VOPP1: variants seen among roughly 807,000 people sequenced by gnomAD.
VOPP1 encodes the protein WW domain binding protein VOPP1.
A neutral mutation model predicts 23.5 loss-of-function variants in VOPP1; 8 were observed. The ratio of observed to expected loss-of-function variants is 0.34; its 90% CI spans 0.20 to 0.61. VOPP1 has a LOEUF of 0.61. Ranked by LOEUF, VOPP1 falls within the 20% of genes least tolerant of loss-of-function variation. The pLI is 0.78. For missense variants in VOPP1, 174 were observed against 238.1 expected (o/e 0.73, Z 1.77); for synonymous variants, 83 against 97.3 (o/e 0.85, Z 0.86).
At chr7:55,502,986 T>C (rs1419898457) in intron 2 of VOPP1, among the ~76,000 whole-genome samples, 1 of 152,198 alleles carries the variant, frequency 6.6e-6, no homozygotes, top group African/African-American at 2.4e-5. Context: ...GACTCTGAAA[T>C]ACACATGATA....
intron 1 of VOPP1, among the ~76,000 whole-genome samples, chr7:55,524,742 T>C (rs1164674056): frequency 6.6e-6 from 1 of 152,068 alleles, no homozygotes; most frequent in Admixed American, 6.6e-5. Flanking sequence ...GGACGCAGCC[T>C]CGTGATGGGA....
chr7:55,494,106 G>A (rs1486324181), intron 3 of VOPP1, among the ~76,000 whole-genome samples: 1 of 152,178 alleles, frequency 6.6e-6, no homozygotes, highest in Non-Finnish European at 1.5e-5. Flanking sequence ...ATGGGCGGAG[G>A]GAGCGGCCAT....
intron 2 of VOPP1, among the ~76,000 whole-genome samples, chr7:55,520,163 T>A (rs1227645508): frequency 6.6e-6 from 1 of 152,116 alleles, no homozygotes; most frequent in Non-Finnish European, 1.5e-5. Context: ...AAGAAAAATG[T>A]ATGTTCTGGC....
chr7:55,522,200 A>G (rs1472822385), intron 1 of VOPP1, among the ~76,000 whole-genome samples: 1 of 152,226 alleles, frequency 6.6e-6, no homozygotes, highest in Non-Finnish European at 1.5e-5. Flanking sequence ...ATTGCCCTGC[A>G]GCTGGAATGG....
intron 4 of VOPP1, among the ~76,000 whole-genome samples, chr7:55,459,144 T>C (rs553033574): frequency 6.6e-6 from 1 of 152,116 alleles, no homozygotes; most frequent in Non-Finnish European, 1.5e-5. Context: ...AATCATAAAG[T>C]TTTTTCCTTC....
intron 2 of VOPP1, among the ~76,000 whole-genome samples, chr7:55,511,476 T>G (rs1450187498): frequency 3.3e-5 from 5 of 152,188 alleles, no homozygotes. Context: ...TATTAAAAAT[T>G]TGTTTAGGAG....
At position 55,471,357 on chromosome 7, in the gene VOPP1, C is replaced by A. The variant is rs1009708811; in HGVS notation, c.*1498G>T. On this transcript the variant is annotated 3_prime_UTR_variant, in exon 5 of 5. Coordinates refer to ENST00000285279, the MANE Select transcript of VOPP1 (RefSeq NM_030796.5). ...CCACAAAATTCCCCAGGAGGTTCTC[C>A]GATTAAATGTCCTCAGAGTGAAAAG... is the stretch of plus-strand genomic sequence containing the variant. 6.6e-6 allele frequency: 1 copy of A among 151,664 alleles called. No individual in the cohort carries two copies. The highest frequency in any genetic ancestry group is 1.5e-5 in the Non-Finnish European group (1 of 67,930). 9.4% of individuals were successfully genotyped at this position (151,664 alleles called of 1,614,324 possible).
intron 2 of VOPP1, among the ~76,000 whole-genome samples, chr7:55,517,630 T>C (rs1795552547): frequency 6.6e-6 from 1 of 152,116 alleles, no homozygotes; most frequent in Admixed American, 6.5e-5. Flanking sequence ...GAAACCACAG[T>C]GGGCTTCAGA....
chr7:55,516,932 A>ATATTTTTT (rs1562947689), intron 2 of VOPP1, among the ~76,000 whole-genome samples: 1 of 45,156 alleles, frequency 2.2e-5, no homozygotes, highest in African/African-American at 1.2e-4. Context: ...ATATATATAT[A>ATATTTTTT]TTTTTTTTTT....
chr7:55,476,932 C>T (rs1361323179), intron 4 of VOPP1, among the ~76,000 whole-genome samples: 2 of 152,230 alleles, frequency 1.3e-5, no homozygotes, highest in Non-Finnish European at 2.9e-5. Flanking sequence ...GCCCTATTCT[C>T]CATCTCCAGC....
chr7:55,474,042 G>A (rs1792047041), intron 4 of VOPP1, among the ~76,000 whole-genome samples: 1 of 152,244 alleles, frequency 6.6e-6, no homozygotes, highest in South Asian at 2.1e-4. Flanking sequence ...GCGCATGTGC[G>A]GAAGGAGAGC....
At chr7:55,490,563 T>C (rs1793493599) in intron 4 of VOPP1, among the ~76,000 whole-genome samples, 1 of 152,180 alleles carries the variant, frequency 6.6e-6, no homozygotes, top group African/African-American at 2.4e-5. Flanking sequence ...TGTGGCCTTC[T>C]GCACTGGGGG....
At chr7:55,457,863 A>T (rs186418635) in intron 4 of VOPP1, among the ~76,000 whole-genome samples, 1 of 152,062 alleles carries the variant, frequency 6.6e-6, no homozygotes, top group Admixed American at 6.6e-5. Context: ...TTGGATAAAT[A>T]GTTTGCACAT....
chr7:55,525,848 AAGTG>A (rs980979011), intron 1 of VOPP1, among the ~76,000 whole-genome samples: 9 of 151,552 alleles, frequency 5.9e-5, no homozygotes, highest in African/African-American at 2.2e-4. Flanking sequence ...AGGGGGAAAA[AAGTG>A]AATTTCCAGG....
At chr7:55,441,394 C>T (rs1252149508) in intron 4 of VOPP1, among the ~76,000 whole-genome samples, 1 of 152,212 alleles carries the variant, frequency 6.6e-6, no homozygotes, top group Admixed American at 6.5e-5. Context: ...GTATTCCACA[C>T]CCAGAGACAA....
chr7:55,463,155 G>C (rs1293680513), intron 4 of VOPP1, among the ~76,000 whole-genome samples: 1 of 152,128 alleles, frequency 6.6e-6, no homozygotes, highest in East Asian at 1.9e-4. Flanking sequence ...GCCTATCCTG[G>C]AGAATGTTTC....
intron 1 of VOPP1, among the ~76,000 whole-genome samples, chr7:55,547,106 A>C (rs1343548632): frequency 1.3e-5 from 2 of 152,208 alleles, no homozygotes; most frequent in African/African-American, 2.4e-5. Context: ...TCAGCTGTTA[A>C]GACTTGGGAG....
chr7:55,560,926 C>T (rs1226567747), intron 1 of VOPP1, among the ~76,000 whole-genome samples: 1 of 152,168 alleles, frequency 6.6e-6, no homozygotes, highest in African/African-American at 2.4e-5. Flanking sequence ...CCCCAAAATC[C>T]TCTCACTCAT....
Position 55,473,516 on chromosome 7 carries a change from G to A in VOPP1, c.329-471C>T, listed in dbSNP as rs544630088. ...GGAGTTACTCACAGGCAGGGAGGCCGTGCACCTGGGCACACATAGCCAGGC... is the reference window on the plus strand; with the variant it reads ...GGAGTTACTCACAGGCAGGGAGGCCATGCACCTGGGCACACATAGCCAGGC... On this transcript the variant is annotated intron_variant, in intron 4 of 4. Transcript: ENST00000285279. Among the ~76,000 whole-genome samples the A allele has an allele frequency of 3.3e-5, 5 of 152,306 alleles. No individual in the cohort carries two copies. The South Asian group carries it at 6.2e-4, about 19-fold the overall frequency.
Sources: allele counts gnomAD v4.1 joint callset (sites outside exome capture counted in the v4.1 genomes callset), GRCh38; gene constraint gnomAD v4.1.1; transcripts MANE v1.5; gene names NCBI Gene and HGNC (gene_info 2026-07-23, HGNC 2026-07-21).